DOCK3: variants seen among roughly 807,000 people sequenced by gnomAD.
The protein encoded by DOCK3 is dedicator of cytokinesis 3.
In DOCK3, 60 loss-of-function variants were observed where a neutral mutation model predicts 265.6. The observed-to-expected ratio is 0.23, with a 90% CI of 0.18 to 0.28. The LOEUF (loss-of-function observed/expected upper bound fraction) is 0.28, where lower values mean the gene tolerates loss of function less well. Among genes scored for constraint, DOCK3 ranks in the 10% least tolerant of loss-of-function variants. The probability of loss-of-function intolerance (pLI) is 1.00; values close to 1 mark genes in which losing one functional copy is unlikely to be tolerated. For synonymous variants in DOCK3, 881 were observed against 938.0 expected, an observed-to-expected ratio of 0.94 and a Z score of 1.11; for missense variants, 1,981 against 2,594.3, an observed-to-expected ratio of 0.76 and a Z score of 5.14.
chr3:50,861,193 GCTTTTCTTTGTT>G (rs1321959753), intron 3 of DOCK3, among the ~76,000 whole-genome samples: 27 of 152,182 alleles, frequency 1.8e-4, no homozygotes, highest in African/African-American at 6.5e-4. Context: ...GTCCTGTCTT[GCTTTTCTTTGTT>G]CTCTGTGGGT....
Position 51,381,654 on chromosome 3 carries a change from C to G in DOCK3, c.*95C>G, listed in dbSNP as rs9858497. Reference sequence around the variant, plus strand: ...AGTCCCCCAGCCCCACCCCAGGGAGCCAGAGAGGCTTGCACTCAGGAGAGA... The same window carrying G: ...AGTCCCCCAGCCCCACCCCAGGGAGGCAGAGAGGCTTGCACTCAGGAGAGA... On this transcript the variant is annotated 3_prime_UTR_variant, in exon 53 of 53. Transcript: ENST00000266037. The surrounding 1 kb of genome is among the most constrained non-coding windows in gnomAD (Gnocchi z 5.6). 8.2e-3 allele frequency: 11,725 copies of G among 1,423,634 alleles called. 682 individuals carry two copies. The African/African-American group carries it at 0.13, about 16-fold the overall frequency. 88.2% of individuals were successfully genotyped at this position (1,423,634 alleles called of 1,614,324 possible). A position where few individuals can be genotyped will look rare whatever the true frequency, so the allele number is the denominator to read the frequency against.
At position 51,309,775 on chromosome 3, in the gene DOCK3, A is replaced by C. The variant is rs1437587952; in HGVS notation, c.2923-457A>C. On this transcript the variant is annotated intron_variant, in intron 27 of 52. Transcript: ENST00000266037. ...CACCCCATTGCTTTCATGGACAAGC[A>C]GATTTTCAGAGGTCTTTACTCTGCC... Among the ~76,000 whole-genome samples, 3 of 152,270 alleles carry C rather than the reference A, an allele frequency of 2.0e-5. No individual in the cohort carries two copies. The South Asian group carries it at 6.2e-4, about 31-fold the overall frequency.
In DOCK3 at chr3:51,229,704, C is replaced by T. The variant is rs376233086; in HGVS notation, c.1917+95C>T. 4.9e-5 allele frequency: 43 copies of T among 884,318 alleles called. No homozygotes were observed. In the East Asian group the frequency reaches 6.1e-4, roughly 13 times the overall value. The allele number at this position is 884,318 out of a possible 1,614,324, so 54.8% of individuals were successfully genotyped here. ...GATTTTTGCCAATAACCGTCTGAGA[C>T]TGTTTCATCAGATTTTTGTTGTTGT... On this transcript the variant is annotated intron_variant, in intron 19 of 52. Coordinates refer to ENST00000266037, the MANE Select transcript of DOCK3 (RefSeq NM_004947.5).
chr3:50,734,602 G>T (rs1163715464), intron 1 of DOCK3, among the ~76,000 whole-genome samples: 10 of 107,376 alleles, frequency 9.3e-5, no homozygotes, highest in Admixed American at 3.7e-4. Context: ...TTTACAGTGA[G>T]TTTTTTTTTT....
At chr3:50,870,563 A>G (rs942994023) in intron 3 of DOCK3, among the ~76,000 whole-genome samples, 2 of 151,938 alleles carry the variant, frequency 1.3e-5, no homozygotes, top group African/African-American at 2.4e-5. Context: ...CGTTTATTCA[A>G]CTGTGCTATA....
At chr3:50,973,076 A>T (rs1427547792) in intron 5 of DOCK3, among the ~76,000 whole-genome samples, 19 of 7,518 alleles carry the variant, frequency 2.5e-3, no homozygotes, top group Non-Finnish European at 3.5e-3. Flanking sequence ...TTTTTTTTGC[A>T]GTTCCAACCT....
intron 36 of DOCK3, 107 bp from the exon 37 acceptor site, chr3:51,338,828 C>G: frequency 1.1e-6 from 1 of 910,574 alleles, no homozygotes; most frequent in Non-Finnish European, 1.7e-6. Flanking sequence ...CCTCCAGGGC[C>G]TGCCCTCCCC....
chr3:50,864,404 T>C (rs904930730), intron 3 of DOCK3, among the ~76,000 whole-genome samples: 4 of 152,220 alleles, frequency 2.6e-5, no homozygotes, highest in Non-Finnish European at 5.9e-5. Context: ...AGGTTGTCTC[T>C]TCACTTTATT....
chr3:50,893,235 G>A, intron 4 of DOCK3: 1 of 298,870 alleles, frequency 3.3e-6, no homozygotes. Context: ...CACAATCAAA[G>A]GAACAAAATA....
chr3:51,058,812 A>T (rs1560002489), intron 5 of DOCK3, among the ~76,000 whole-genome samples: 3 of 151,574 alleles, frequency 2.0e-5, no homozygotes, highest in African/African-American at 7.3e-5. Flanking sequence ...CTTTGGGCCT[A>T]TTTTTTTTAA....
intron 4 of DOCK3, among the ~76,000 whole-genome samples, chr3:50,923,489 TCTC>T (rs1168276778): frequency 1.3e-5 from 2 of 152,212 alleles, no homozygotes. Flanking sequence ...TCACGAATAT[TCTC>T]CTTTAGTTTT....
intron 4 of DOCK3, among the ~76,000 whole-genome samples, chr3:50,923,923 C>T (rs1472808914): frequency 6.6e-6 from 1 of 152,160 alleles, no homozygotes; most frequent in Non-Finnish European, 1.5e-5. Flanking sequence ...CTTCTTCCTA[C>T]TCTGTTGTAT....
chr3:50,794,342 C>T (rs926829911), intron 2 of DOCK3, among the ~76,000 whole-genome samples: 1 of 152,148 alleles, frequency 6.6e-6, no homozygotes, highest in African/African-American at 2.4e-5. Flanking sequence ...GTTGAAGTTT[C>T]CCACTATTGT....
chr3:50,731,398 G>A (rs1358654366), intron 1 of DOCK3, among the ~76,000 whole-genome samples: 2 of 152,188 alleles, frequency 1.3e-5, no homozygotes, highest in Non-Finnish European at 2.9e-5. Context: ...TGTAATTATA[G>A]TGATGTGTCA....
chr3:51,064,338 T>C, intron 5 of DOCK3, 110 bp from the exon 6 acceptor site: 1 of 1,378,470 alleles, frequency 7.3e-7, no homozygotes. Flanking sequence ...TATATTACCT[T>C]AGTAGTTCAG....
At chr3:51,300,139 G>A (rs1162075457) in intron 27 of DOCK3, among the ~76,000 whole-genome samples, 1 of 152,114 alleles carries the variant, frequency 6.6e-6, no homozygotes, top group Non-Finnish European at 1.5e-5. Flanking sequence ...TCCCTTGTTA[G>A]CTGTATGCCT....
At chr3:50,819,190 C>A (rs1428344387) in intron 2 of DOCK3, among the ~76,000 whole-genome samples, 2 of 152,134 alleles carry the variant, frequency 1.3e-5, no homozygotes. Flanking sequence ...GCATGTACTT[C>A]TGCTATAGAT....
chr3:51,290,643 C>A (rs1177826437), intron 27 of DOCK3, among the ~76,000 whole-genome samples: 1 of 151,958 alleles, frequency 6.6e-6, no homozygotes, highest in African/African-American at 2.4e-5. Flanking sequence ...ATGTAACAAA[C>A]CTGCATGTTG....
intron 25 of DOCK3, chr3:51,276,355 G>A (rs1413933622): frequency 1.0e-6 from 1 of 985,360 alleles, no homozygotes; most frequent in Non-Finnish European, 1.2e-6. Context: ...ATAGCCCAAG[G>A]TTGTATTGAG....
Sources: gnomAD v4.1 joint callset for allele counts (sites outside exome capture counted in the v4.1 genomes callset) on GRCh38, gnomAD v4.1.1 for gene constraint, Gnocchi (gnomAD v3.1) non-coding constraint, MANE v1.5 for transcripts, NCBI Gene and HGNC (gene_info 2026-07-23, HGNC 2026-07-21) for gene names.